SHANK2: variants seen among roughly 807,000 people sequenced by gnomAD.
SHANK2 encodes the protein SH3 and multiple ankyrin repeat domains 2.
Under a neutral mutation model 133.7 loss-of-function variants are expected in SHANK2, and 43 were observed. The observed-to-expected ratio is 0.32, with a 90% CI of 0.25 to 0.41. SHANK2 has a LOEUF of 0.41. SHANK2 is among the 10% of genes least tolerant of loss of function. SHANK2 has a pLI of 1.00. For missense variants in SHANK2, 1,994 were observed against 2,235.8 expected, an observed-to-expected ratio of 0.89 and a Z score of 2.18; for synonymous variants, 1,017 against 952.8, an observed-to-expected ratio of 1.07 and a Z score of -1.24.
intron 11 of SHANK2, among the ~76,000 whole-genome samples, chr11:70,827,639 T>TG (rs1491124395): frequency 0.04 from 3,599 of 88,968 alleles, 189 homozygotes; most frequent in African/African-American, 0.12. Flanking sequence ...TGTGTGTGTG[T>TG]TTTTTTTTTT....
intron 17 of SHANK2, among the ~76,000 whole-genome samples, chr11:70,527,544 A>C (rs2059414331): frequency 6.6e-6 from 1 of 152,126 alleles, no homozygotes; most frequent in Non-Finnish European, 1.5e-5. Flanking sequence ...AGTTGCTATA[A>C]ATGGCCTCCA....
intron 25 of SHANK2, chr11:70,477,274 G>A (rs2058676060): frequency 6.6e-6 from 1 of 152,242 alleles, no homozygotes; most frequent in African/African-American, 2.4e-5. Context: ...ACAGAAAAAA[G>A]CTGCTTTTCG....
At chr11:70,541,330 G>A (rs2059619271) in intron 17 of SHANK2, among the ~76,000 whole-genome samples, 1 of 152,194 alleles carries the variant, frequency 6.6e-6, no homozygotes, top group South Asian at 2.1e-4. Context: ...TCATCAGCCT[G>A]GCGGGAACAG....
At chr11:70,515,819 T>G (rs1217802530) in intron 17 of SHANK2, among the ~76,000 whole-genome samples, 1 of 151,696 alleles carries the variant, frequency 6.6e-6, no homozygotes, top group Non-Finnish European at 1.5e-5. Flanking sequence ...TCAAAAAAAT[T>G]TTTTTTATAC....
chr11:70,811,842 A>G (rs984763407), intron 12 of SHANK2, among the ~76,000 whole-genome samples: 1 of 152,074 alleles, frequency 6.6e-6, no homozygotes, highest in Non-Finnish European at 1.5e-5. Context: ...TCATCCATGC[A>G]TCTACCCATC....
At chr11:70,558,004 A>G (rs1433791615) in intron 17 of SHANK2, among the ~76,000 whole-genome samples, 1 of 152,232 alleles carries the variant, frequency 6.6e-6, no homozygotes, top group African/African-American at 2.4e-5. Context: ...AACTCTGATC[A>G]TCCTTCATCT....
chr11:70,688,242 C>T (rs1477580007), intron 15 of SHANK2, among the ~76,000 whole-genome samples: 2 of 152,200 alleles, frequency 1.3e-5, no homozygotes, highest in African/African-American at 4.8e-5. Flanking sequence ...CCCTTCTCCA[C>T]CCTCAGAACC....
At chr11:70,584,050 C>T (rs1435810535) in intron 17 of SHANK2, among the ~76,000 whole-genome samples, 2 of 152,198 alleles carry the variant, frequency 1.3e-5, no homozygotes, top group Non-Finnish European at 2.9e-5. Flanking sequence ...GGTCTCATCC[C>T]CGGCCGACCC....
chr11:70,881,574 T>TTAATAA (rs71049950), intron 11 of SHANK2, among the ~76,000 whole-genome samples: 26 of 39,366 alleles, frequency 6.6e-4, no homozygotes, highest in African/African-American at 1.1e-3. Flanking sequence ...AATAATAATA[T>TTAATAA]TAATAATAAT....
Position 70,486,970 on chromosome 11 carries a change from C to G in SHANK2, c.3323G>C (p.Gly1108Ala). The change falls in exon 25 of 26, where the codon GGG becomes GCG. Residue 1108 changes from glycine to alanine, a missense_variant. Coordinates refer to ENST00000601538, the MANE Select transcript of SHANK2 (RefSeq NM_012309.5). The surrounding 1 kb of genome is among the most constrained non-coding windows in gnomAD (Gnocchi z 8.0). ...TGGCCCCAGGCCCACATCCTCATCC[C>G]CCAGGTCTGTGGAGAGGAAGGCCGG... The part of the protein sequence containing the change: ...NSPAFLSTDL[G>A]DEDVGLGPPA... 7 of 1,612,256 alleles carry G rather than the reference C, an allele frequency of 4.3e-6. No individual in the cohort carries two copies. Among genetic ancestry groups the G allele is most frequent in the South Asian group, 1.1e-5 (1 of 91,080 alleles).
intron 11 of SHANK2, among the ~76,000 whole-genome samples, chr11:70,843,190 T>C (rs12275704): frequency 0.048 from 5,928 of 123,454 alleles, 403 homozygotes; most frequent in African/African-American, 0.17. Flanking sequence ...TGACTGTGAC[T>C]GGGAGGTTGC....
intron 11 of SHANK2, among the ~76,000 whole-genome samples, chr11:70,863,037 A>C (rs971110637): frequency 6.6e-6 from 1 of 152,170 alleles, no homozygotes; most frequent in Non-Finnish European, 1.5e-5. Context: ...GCTGCTCCGC[A>C]GGACTTACGG....
intron 13 of SHANK2, among the ~76,000 whole-genome samples, chr11:70,799,631 T>C (rs2135229500): frequency 6.6e-6 from 1 of 152,198 alleles, no homozygotes; most frequent in East Asian, 1.9e-4. Context: ...GCAGTTTTCT[T>C]TCTGACTTGT....
Position 70,549,846 on chromosome 11 carries a change from G to A in SHANK2, c.2062-46915C>T, listed in dbSNP as rs1393945496. Reference sequence around the variant, plus strand: ...GATTCTCACCATACCTCCATGTTTGGGTTTTTCACCAGGCAAGGGGCTTGC... The same window carrying A: ...GATTCTCACCATACCTCCATGTTTGAGTTTTTCACCAGGCAAGGGGCTTGC... On this transcript the variant is annotated intron_variant, in intron 17 of 25. Transcript: ENST00000601538. 2.0e-5 allele frequency among the ~76,000 whole-genome samples: 3 copies of A among 152,230 alleles called. No individual in the cohort carries two copies. The East Asian group carries it at 5.8e-4, about 29-fold the overall frequency.
At chr11:70,633,380 A>C (rs968146308) in intron 17 of SHANK2, among the ~76,000 whole-genome samples, 3 of 151,816 alleles carry the variant, frequency 2.0e-5, no homozygotes, top group Non-Finnish European at 4.4e-5. Flanking sequence ...ACACAGGGAG[A>C]GTGAAAAAGA....
chr11:70,746,405 G>C (rs534470816), intron 14 of SHANK2, among the ~76,000 whole-genome samples: 1 of 149,362 alleles, frequency 6.7e-6, no homozygotes, highest in South Asian at 2.1e-4. Context: ...GGGGGATGCA[G>C]GGTGCCCCAT....
chr11:70,672,059 TC>T (rs370076371), intron 15 of SHANK2, among the ~76,000 whole-genome samples: 3 of 129,882 alleles, frequency 2.3e-5, no homozygotes, highest in South Asian at 2.4e-4. Flanking sequence ...ACTTTTCTTT[TC>T]TTTTTCTTTT....
intron 14 of SHANK2, among the ~76,000 whole-genome samples, chr11:70,744,228 G>C (rs1464284160): frequency 6.6e-6 from 1 of 152,244 alleles, no homozygotes; most frequent in Non-Finnish European, 1.5e-5. Context: ...CAAGGCACAG[G>C]GTGGGTCTCT....
chr11:71,057,575 A>T (rs940448562), intron 9 of SHANK2, among the ~76,000 whole-genome samples: 12,611 of 152,178 alleles, frequency 0.083, 1,533 homozygotes, highest in African/African-American at 0.26. Context: ...TTTGAGACAC[A>T]GTCTTGCTCT....
Sources: gnomAD v4.1 joint callset for allele counts (sites outside exome capture counted in the v4.1 genomes callset) on GRCh38, gnomAD v4.1.1 for gene constraint, Gnocchi (gnomAD v3.1) non-coding constraint, MANE v1.5 for transcripts, NCBI Gene and HGNC (gene_info 2026-07-23, HGNC 2026-07-21) for gene names.